Variants in MYH16 observed in about 807,000 individuals in gnomAD.
The protein encoded by MYH16 is putative uncharacterized protein MYH16.
Position 99,245,436 on chromosome 7 carries a change from G to T in MYH16, n.354+2015G>T, listed in dbSNP as rs187926575. Among the ~76,000 whole-genome samples the T allele has an allele frequency of 2.0e-5, 3 of 152,282 alleles. No homozygotes were observed. The East Asian group carries it at 5.8e-4, about 29-fold the overall frequency. On this transcript the variant is annotated intron_variant and non_coding_transcript_variant, in intron 2 of 41. Coordinates refer to ENST00000439784, the Ensembl canonical transcript of MYH16. ...ATGTGACTGTCCAGCAAGGAGAAGAGAAATTTAAGATTCATAGATTTGGCC... is the reference window on the plus strand; with the variant it reads ...ATGTGACTGTCCAGCAAGGAGAAGATAAATTTAAGATTCATAGATTTGGCC...
intron 23 of MYH16, among the ~76,000 whole-genome samples, 185 bp downstream of exon 5, chr7:99,281,165 C>G (rs939765894): frequency 5.9e-5 from 9 of 152,164 alleles, no homozygotes; most frequent in East Asian, 1.9e-4. Flanking sequence ...TGTGGCCCCC[C>G]CTTGCTGCCT....
chr7:99,269,328 T>G (rs1584346211), intron 18 of MYH16, among the ~76,000 whole-genome samples: 1 of 150,772 alleles, frequency 6.6e-6, no homozygotes, highest in East Asian at 2.0e-4. Flanking sequence ...CAGGCTGGAG[T>G]GCAGTGACAC....
intron 18 of MYH16, among the ~76,000 whole-genome samples, chr7:99,270,127 G>A (rs1000939259): frequency 2.0e-4 from 30 of 151,336 alleles, no homozygotes; most frequent in African/African-American, 6.3e-4. Flanking sequence ...AGCCTCCCAA[G>A]GCACTGGGAT....
At chr7:99,293,472 C>G (rs553033239) in intron 32 of MYH16, among the ~76,000 whole-genome samples, 3 of 152,280 alleles carry the variant, frequency 2.0e-5, no homozygotes, top group South Asian at 2.1e-4. Context: ...TGGTCCTCCC[C>G]CAAGGCTCCC....
intron 1 of MYH16, among the ~76,000 whole-genome samples, chr7:99,242,497 G>C (rs1791677730): frequency 6.6e-6 from 1 of 151,994 alleles, no homozygotes; most frequent in African/African-American, 2.4e-5. Flanking sequence ...AATTAGCCAG[G>C]CATGGTGGTG....
intron 2 of MYH16, among the ~76,000 whole-genome samples, chr7:99,244,286 C>T (rs774952566): frequency 6.6e-6 from 1 of 152,242 alleles, no homozygotes; most frequent in Non-Finnish European, 1.5e-5. Context: ...GGAAGGACAA[C>T]CAACTGCATC....
At chr7:99,277,767 G>A (rs60895267) in intron 21 of MYH16, 55 bp downstream of exon 3, 6 of 405,562 alleles carry the variant, frequency 1.5e-5, no homozygotes, top group Non-Finnish European at 2.5e-5. Flanking sequence ...TGGACCCTGG[G>A]AGGGAGGAAG....
intron 27 of MYH16, among the ~76,000 whole-genome samples, chr7:99,286,260 T>G (rs1792275911): frequency 6.6e-6 from 1 of 151,960 alleles, no homozygotes; most frequent in South Asian, 2.1e-4. Flanking sequence ...TACAAAAAAT[T>G]TAAAAATTTG....
At chr7:99,244,363 G>C (rs1290103109) in intron 2 of MYH16, among the ~76,000 whole-genome samples, 2 of 152,248 alleles carry the variant, frequency 1.3e-5, no homozygotes, top group Non-Finnish European at 1.5e-5. Flanking sequence ...AGTCCCCTGA[G>C]TGTCTTTGAA....
intron 25 of MYH16, 150 bp from the exon 8 acceptor site, chr7:99,284,695 G>A: frequency 2.6e-6 from 1 of 379,230 alleles, no homozygotes; most frequent in Non-Finnish European, 5.3e-6. Flanking sequence ...GACCTTCTGG[G>A]CTGTCACTAC....
chr7:99,239,553 C>T (rs1791639350), intron 1 of MYH16, among the ~76,000 whole-genome samples: 2 of 152,124 alleles, frequency 1.3e-5, no homozygotes, highest in African/African-American at 2.4e-5. Flanking sequence ...GATGTGATGG[C>T]TTCCGATGGC....
chr7:99,300,829 A>G (rs1349513301), intron 37 of MYH16, among the ~76,000 whole-genome samples: 1 of 152,046 alleles, frequency 6.6e-6, no homozygotes, highest in African/African-American at 2.4e-5. Context: ...GACAAAACAG[A>G]CAAACATCCC....
intron 16 of MYH16, chr7:99,265,261 A>G (rs1399986922): frequency 1.3e-5 from 2 of 152,684 alleles, no homozygotes; most frequent in African/African-American, 2.4e-5. Context: ...TTCCAAATTA[A>G]GTCCACCTTT....
exon 41 of MYH16, chr7:99,305,900 T>C (rs995673375): frequency 6.6e-6 from 1 of 152,640 alleles, no homozygotes; most frequent in African/African-American, 2.4e-5. Flanking sequence ...GTCAAGACAC[T>C]GTGTAAGAAT....
intron 1 of MYH16, among the ~76,000 whole-genome samples, chr7:99,240,057 T>A (rs933063051): frequency 3.3e-5 from 5 of 150,960 alleles, no homozygotes; most frequent in Admixed American, 6.6e-5. Context: ...AGAATTTTTT[T>A]AATTTGGTTT....
intron 38 of MYH16, among the ~76,000 whole-genome samples, chr7:99,302,314 AT>A: frequency 8.4e-6 from 1 of 119,212 alleles, no homozygotes; most frequent in South Asian, 2.7e-4. Flanking sequence ...AAAAAAAAAT[AT>A]ATACACACAC....
At chr7:99,289,308 A>G (rs1276955107) in exon 30 of MYH16, 1 of 437,488 alleles carries the variant, frequency 2.3e-6, no homozygotes, top group South Asian at 1.6e-5. Context: ...GGCCCACGTC[A>G]GAAAGCTGGA....
At chr7:99,244,231 T>C (rs1791702985) in intron 2 of MYH16, among the ~76,000 whole-genome samples, 1 of 152,190 alleles carries the variant, frequency 6.6e-6, no homozygotes, top group Non-Finnish European at 1.5e-5. Context: ...CACCCATCCA[T>C]CCAACAAACA....
At chr7:99,294,407 C>T (rs1688367205) in intron 33 of MYH16, among the ~76,000 whole-genome samples, 2 of 149,762 alleles carry the variant, frequency 1.3e-5, no homozygotes, top group Non-Finnish European at 3.0e-5. Context: ...TGGCCCATGC[C>T]TCTAATCCCA....
Sources: allele counts gnomAD v4.1 joint callset (sites outside exome capture counted in the v4.1 genomes callset), GRCh38; gene constraint gnomAD v4.1.1; transcripts MANE v1.5; gene names NCBI Gene and HGNC (gene_info 2026-07-23, HGNC 2026-07-21).